CCSER2: variants seen among roughly 807,000 people sequenced by gnomAD.
CCSER2 encodes coiled-coil serine rich protein 2.
Under a neutral mutation model 92.3 loss-of-function variants are expected in CCSER2, and 46 were observed. The observed-to-expected ratio is 0.50, with a 90% CI of 0.39 to 0.64. The LOEUF (loss-of-function observed/expected upper bound fraction) is 0.64, where lower values mean the gene tolerates loss of function less well. CCSER2 is among the 30% of genes least tolerant of loss of function. The pLI, the probability that CCSER2 is intolerant of heterozygous loss-of-function variation, is 0.00. For missense variants in CCSER2, 1,244 were observed against 1,238.9 expected, an observed-to-expected ratio of 1.00 and a Z score of -0.06; for synonymous variants, 433 against 431.4, an observed-to-expected ratio of 1.00 and a Z score of -0.04.
chr10:84,471,000 C>G (rs1212396408), intron 8 of CCSER2, among the ~76,000 whole-genome samples: 1 of 151,874 alleles, frequency 6.6e-6, no homozygotes, highest in African/African-American at 2.4e-5. Context: ...TGTATGGTGT[C>G]TTGAATTTAA....
chr10:84,409,972 G>A lies in CCSER2; in HGVS notation c.1615-7799G>A, dbSNP rs72841196. Among the ~76,000 whole-genome samples the A allele has an allele frequency of 3.2e-3, 480 of 152,082 alleles. 9 individuals are homozygous for A. The highest frequency in any genetic ancestry group is 0.024 in the Admixed American group (365 of 15,270). ...GTTGTTCCCTGCAATGTGTCCATGT[G>A]TTCCCATCATTCAGCTCCCACATGT... On this transcript the variant is annotated intron_variant, in intron 3 of 9. Transcript: ENST00000372088.
intron 3 of CCSER2, among the ~76,000 whole-genome samples, chr10:84,382,273 A>G (rs944416933): frequency 1.1e-4 from 16 of 152,070 alleles, no homozygotes; most frequent in Non-Finnish European, 1.9e-4. Context: ...CATCTTTTAT[A>G]TTAGTCCTTT....
chr10:84,381,784 C>T (rs764209617), intron 3 of CCSER2, among the ~76,000 whole-genome samples: 28 of 151,952 alleles, frequency 1.8e-4, no homozygotes, highest in Non-Finnish European at 3.4e-4. Flanking sequence ...AAAAATAAGC[C>T]GAGTGTGGTG....
chr10:84,460,602 ATTT>A (rs1013795236), intron 6 of CCSER2, among the ~76,000 whole-genome samples: 1 of 142,468 alleles, frequency 7.0e-6, no homozygotes, highest in African/African-American at 2.6e-5. Flanking sequence ...CTGGCCTCAG[ATTT>A]TTTTTTTTTT....
At chr10:84,413,637 G>T (rs1184995732) in intron 3 of CCSER2, among the ~76,000 whole-genome samples, 5 of 152,200 alleles carry the variant, frequency 3.3e-5, no homozygotes, top group African/African-American at 1.2e-4. Context: ...TGGGTGGAGA[G>T]TCCTGTATAT....
At chr10:84,496,001 G>C (rs1346929281) in intron 9 of CCSER2, among the ~76,000 whole-genome samples, 3 of 148,326 alleles carry the variant, frequency 2.0e-5, no homozygotes, top group Admixed American at 6.7e-5. Flanking sequence ...TTTCTTTTCT[G>C]TATATTAGTT....
chr10:84,383,418 C>G (rs1457164043), intron 3 of CCSER2, among the ~76,000 whole-genome samples: 1 of 152,138 alleles, frequency 6.6e-6, no homozygotes, highest in African/African-American at 2.4e-5. Flanking sequence ...TCACGCCACT[C>G]TCCTGCCTCA....
At chr10:84,385,971 C>T (rs1344977172) in intron 3 of CCSER2, among the ~76,000 whole-genome samples, 1 of 151,730 alleles carries the variant, frequency 6.6e-6, no homozygotes, top group Non-Finnish European at 1.5e-5. Flanking sequence ...AGCCAACAAA[C>T]ATAAAAAAAA....
At chr10:84,340,188 A>G (rs1175739537) in intron 1 of CCSER2, among the ~76,000 whole-genome samples, 1 of 152,238 alleles carries the variant, frequency 6.6e-6, no homozygotes, top group Non-Finnish European at 1.5e-5. Flanking sequence ...CTCTTCTTCC[A>G]GGAAAGCTGC....
chr10:84,499,915 C>A, intron 9 of CCSER2: 1 of 1,614,016 alleles, frequency 6.2e-7, no homozygotes, highest in Non-Finnish European at 8.5e-7. Flanking sequence ...TGGCAGGGCT[C>A]CTTCCAGGGG....
intron 9 of CCSER2, among the ~76,000 whole-genome samples, chr10:84,496,864 C>T (rs1848482496): frequency 6.6e-6 from 1 of 152,042 alleles, no homozygotes; most frequent in South Asian, 2.1e-4. Context: ...TTTCTCTCTA[C>T]CTTTCAGAAT....
chr10:84,389,492 C>T (rs1841406225), intron 3 of CCSER2: 1 of 307,694 alleles, frequency 3.2e-6, no homozygotes, highest in South Asian at 2.8e-5. Flanking sequence ...CACTGTAATT[C>T]TCAGATCCTT....
At chr10:84,510,587 C>T (rs1002443007) in intron 9 of CCSER2, among the ~76,000 whole-genome samples, 1 of 152,126 alleles carries the variant, frequency 6.6e-6, no homozygotes, top group Admixed American at 6.6e-5. Flanking sequence ...TTTATATTTA[C>T]ATTCTAAAAA....
At chr10:84,341,037 C>CTT (rs749153928) in intron 1 of CCSER2, among the ~76,000 whole-genome samples, 14,408 of 115,010 alleles carry the variant, frequency 0.13, 1,244 homozygotes, top group Admixed American at 0.18. Context: ...CAATGTAACA[C>CTT]TTTTTTTTTT....
chr10:84,507,004 A>T (rs970694788), intron 9 of CCSER2, among the ~76,000 whole-genome samples: 1 of 152,134 alleles, frequency 6.6e-6, no homozygotes, highest in African/African-American at 2.4e-5. Flanking sequence ...TCTTCAAGTG[A>T]TTCCTCTTAA....
intron 6 of CCSER2, among the ~76,000 whole-genome samples, chr10:84,452,003 G>A (rs1159052933): frequency 1.3e-5 from 2 of 152,292 alleles, no homozygotes; most frequent in African/African-American, 4.8e-5. Flanking sequence ...GTGATGTGAT[G>A]TGATTGTTCA....
chr10:84,468,648 C>T (rs1406224578), intron 7 of CCSER2, among the ~76,000 whole-genome samples: 1 of 152,174 alleles, frequency 6.6e-6, no homozygotes, highest in East Asian at 1.9e-4. Flanking sequence ...CTGGTGACTG[C>T]ATGAATGATG....
chr10:84,400,371 A>G (rs1448354535), intron 3 of CCSER2, among the ~76,000 whole-genome samples: 6 of 152,070 alleles, frequency 3.9e-5, no homozygotes, highest in African/African-American at 9.7e-5. Flanking sequence ...GGGTTTTGCT[A>G]TGTTGCCCAG....
rs529442258 is a variant in CCSER2 at position 84,495,430 on chromosome 10, G to C, written c.2325+17766G>C. ...TGGATTCTTGAAAAGATTGCTTTTT[G>C]CTATTGTTGGATAGAATATTCTGTA... On this transcript the variant is annotated intron_variant, in intron 9 of 9. Coordinates refer to ENST00000372088, the MANE Select transcript of CCSER2 (RefSeq NM_001284240.2). 1.8e-4 allele frequency among the ~76,000 whole-genome samples: 28 copies of C among 152,166 alleles called. No individual in the cohort carries two copies. In the South Asian group the frequency reaches 5.4e-3, roughly 29 times the overall value.
Sources: allele counts gnomAD v4.1 joint callset (sites outside exome capture counted in the v4.1 genomes callset), GRCh38; gene constraint gnomAD v4.1.1; transcripts MANE v1.5; gene names NCBI Gene and HGNC (gene_info 2026-07-23, HGNC 2026-07-21).